MCTP1: variants seen among roughly 807,000 people sequenced by gnomAD.
MCTP1 encodes multiple C2 and transmembrane domain-containing protein 1.
A neutral mutation model predicts 120.6 loss-of-function variants in MCTP1; 69 were observed. That is an observed-to-expected ratio of 0.57 (90% CI 0.47 to 0.70). The LOEUF (loss-of-function observed/expected upper bound fraction) is 0.70. Among genes scored for constraint, MCTP1 ranks in the 30% least tolerant of loss-of-function variants. The probability of loss-of-function intolerance (pLI) is 0.00; values close to 1 mark genes in which losing one functional copy is unlikely to be tolerated. For missense variants in MCTP1, 1,203 were observed against 1,248.8 expected (o/e 0.96, Z 0.55); for synonymous variants, 529 against 493.1 (o/e 1.07, Z -0.96).
At chr5:95,064,326 T>C (rs1349058608) in intron 1 of MCTP1, among the ~76,000 whole-genome samples, 1 of 152,208 alleles carries the variant, frequency 6.6e-6, no homozygotes, top group African/African-American at 2.4e-5. Flanking sequence ...GGAGACTCTT[T>C]CTCTGTGTGC....
rs777408822 is a variant in MCTP1 at position 95,017,378 on chromosome 5, C to T, written c.827G>A (p.Arg276Gln). Residue 276 changes from arginine (R) to glutamine (Q), a missense_variant, in exon 2 of 23, where the codon CGA becomes CAA. By Grantham distance (43) the Arg-to-Gln change is conservative (BLOSUM62 1). This residue lies in a region of MCTP1 where 740 missense variants were observed against 871.1 expected (regional missense o/e 0.85). Transcript: ENST00000515393. ...TCTTATGCTCTTACCTCCTCGATCTCGAGCAGCTAAACTTTGACCCCTTCT... is the reference window on the plus strand; with the variant it reads ...TCTTATGCTCTTACCTCCTCGATCTTGAGCAGCTAAACTTTGACCCCTTCT... ...TLRRGQSLAA[R>Q]DRGGTSDPYV... 6 of 1,604,390 alleles carry T rather than the reference C, an allele frequency of 3.7e-6. No homozygotes were observed. Among genetic ancestry groups the T allele is most frequent in the Non-Finnish European group, 5.1e-6 (6 of 1,173,826 alleles).
intron 1 of MCTP1, among the ~76,000 whole-genome samples, chr5:95,126,201 G>T (rs1758619168): frequency 6.6e-6 from 1 of 152,184 alleles, no homozygotes; most frequent in African/African-American, 2.4e-5. Context: ...GGTCAACAGA[G>T]AAACCAGTTA....
intron 19 of MCTP1, among the ~76,000 whole-genome samples, chr5:94,735,423 C>A (rs1251992256): frequency 6.6e-6 from 1 of 152,152 alleles, no homozygotes. Flanking sequence ...AGACTACAGG[C>A]GTACACCGCC....
intron 17 of MCTP1, among the ~76,000 whole-genome samples, chr5:94,855,131 T>A (rs763091448): frequency 8.6e-5 from 13 of 151,876 alleles, no homozygotes; most frequent in Admixed American, 2.0e-4. Flanking sequence ...CTGATAAGAC[T>A]TCCCTCGGAA....
chr5:95,194,910 G>T (rs1034268940), intron 1 of MCTP1, among the ~76,000 whole-genome samples: 1 of 152,162 alleles, frequency 6.6e-6, no homozygotes. Flanking sequence ...GAGAAAAGGC[G>T]AGACTTCAAG....
chr5:95,108,538 C>G (rs973418901), intron 1 of MCTP1, among the ~76,000 whole-genome samples: 1 of 152,156 alleles, frequency 6.6e-6, no homozygotes, highest in Non-Finnish European at 1.5e-5. Flanking sequence ...GAGTATCAGA[C>G]CTAGGCAGCT....
chr5:95,112,235 T>C (rs896115939), intron 1 of MCTP1, among the ~76,000 whole-genome samples: 1 of 152,182 alleles, frequency 6.6e-6, no homozygotes, highest in Admixed American at 6.5e-5. Context: ...TTTTGAGTGA[T>C]GCCAGAGGAC....
At chr5:95,177,137 A>G (rs964881617) in intron 1 of MCTP1, among the ~76,000 whole-genome samples, 1 of 151,112 alleles carries the variant, frequency 6.6e-6, no homozygotes, top group Non-Finnish European at 1.5e-5. Flanking sequence ...ACATAGAAAT[A>G]TATATTTATT....
intron 8 of MCTP1, among the ~76,000 whole-genome samples, chr5:94,913,701 T>C (rs1403511654): frequency 6.6e-6 from 1 of 152,044 alleles, no homozygotes; most frequent in African/African-American, 2.4e-5. Context: ...TGACTTTTAT[T>C]ATTCTTTTTT....
Position 94,930,267 on chromosome 5 carries a change from ATTTTTTTTTTT to A in MCTP1, c.1212+1675_1212+1685del, listed in dbSNP as rs869306266. The stretch of plus-strand genomic sequence containing the variant: ...CATTTAATATAATTTTTAAAGAAGA[ATTTTTTTTTTT>A]TTTTTTTTTTTTTGAGACAGAGTCT... On this transcript the variant is annotated intron_variant, in intron 6 of 22. Coordinates refer to ENST00000515393, the MANE Select transcript of MCTP1 (RefSeq NM_024717.7). Among the ~76,000 whole-genome samples, 6 of 100,946 alleles carry A rather than the reference ATTTTTTTTTTT, an allele frequency of 5.9e-5. No homozygotes were observed. In the East Asian group the frequency reaches 1.7e-3, roughly 28 times the overall value. 66.2% of individuals were successfully genotyped at this position (100,946 alleles called of 152,430 possible). A position where few individuals can be genotyped will look rare whatever the true frequency, so the allele number is the denominator to read the frequency against.
At chr5:94,767,646 C>T (rs180681288) in intron 19 of MCTP1, among the ~76,000 whole-genome samples, 1 of 152,094 alleles carries the variant, frequency 6.6e-6, no homozygotes, top group Admixed American at 6.5e-5. Flanking sequence ...GAAATCAAGA[C>T]AGCAGTTCCA....
chr5:94,876,252 C>T (rs1328057955), intron 12 of MCTP1, among the ~76,000 whole-genome samples: 1 of 152,134 alleles, frequency 6.6e-6, no homozygotes, highest in East Asian at 1.9e-4. Flanking sequence ...AGTGATGGAC[C>T]TAACCATTAA....
intron 3 of MCTP1, among the ~76,000 whole-genome samples, chr5:94,950,386 T>TA (rs1394105370): frequency 6.6e-6 from 1 of 151,864 alleles, no homozygotes; most frequent in Non-Finnish European, 1.5e-5. Flanking sequence ...CAAAGTGATT[T>TA]AAAAAAAACC....
chr5:94,887,617 C>A (rs1181475347), intron 12 of MCTP1, among the ~76,000 whole-genome samples: 1 of 152,062 alleles, frequency 6.6e-6, no homozygotes, highest in Admixed American at 6.6e-5. Context: ...TACAAGGAGC[C>A]AAATTAGCAT....
intron 1 of MCTP1, chr5:95,081,609 G>A (rs1286070900): frequency 1.0e-5 from 14 of 1,402,392 alleles, no homozygotes; most frequent in Admixed American, 2.9e-5. Flanking sequence ...AGCCCTGCAC[G>A]GAGCACTTGC....
intron 1 of MCTP1, among the ~76,000 whole-genome samples, chr5:95,026,288 G>A (rs913502206): frequency 2.0e-5 from 3 of 151,990 alleles, no homozygotes; most frequent in Admixed American, 6.6e-5. Flanking sequence ...TACCCTTTGC[G>A]TTACATACAA....
intron 18 of MCTP1, among the ~76,000 whole-genome samples, chr5:94,786,086 A>T (rs777021841): frequency 6.6e-6 from 1 of 152,178 alleles, no homozygotes; most frequent in Non-Finnish European, 1.5e-5. Context: ...CAAAAAATTT[A>T]TCTTGGAGAT....
chr5:94,822,274 T>C (rs1732364554), intron 17 of MCTP1, among the ~76,000 whole-genome samples: 1 of 152,184 alleles, frequency 6.6e-6, no homozygotes, highest in South Asian at 2.1e-4. Flanking sequence ...ATGTTCTCAT[T>C]GTTCAACTCC....
chr5:95,049,873 T>C (rs1361766712), intron 1 of MCTP1, among the ~76,000 whole-genome samples: 1 of 152,196 alleles, frequency 6.6e-6, no homozygotes, highest in Non-Finnish European at 1.5e-5. Flanking sequence ...ATCACCTGTC[T>C]TCTCTCTTAA....
Sources: gnomAD v4.1 joint callset for allele counts (sites outside exome capture counted in the v4.1 genomes callset) on GRCh38, gnomAD v4.1.1 for gene constraint, gnomAD v4.1.1 regional missense constraint, MANE v1.5 for transcripts, NCBI Gene and HGNC (gene_info 2026-07-23, HGNC 2026-07-21) for gene names.